The following DISC1 variants were observed in gnomAD, a reference collection of about 807,000 sequenced individuals.
The protein encoded by DISC1 is disrupted in schizophrenia 1 protein.
A neutral mutation model predicts 84.5 loss-of-function variants in DISC1; 57 were observed. The ratio of observed to expected loss-of-function variants is 0.67; its 90% CI spans 0.55 to 0.84. DISC1 has a LOEUF of 0.84. DISC1 is among the 40% of genes least tolerant of loss of function. The pLI is 0.00. For missense variants in DISC1, 1,000 were observed against 1,057.8 expected (o/e 0.95, Z 0.76); for synonymous variants, 411 against 415.2 (o/e 0.99, Z 0.12).
At chr1:231,961,382 C>T (rs1345356049) in intron 10 of DISC1, among the ~76,000 whole-genome samples, 1 of 152,122 alleles carries the variant, frequency 6.6e-6, no homozygotes, top group African/African-American at 2.4e-5. Context: ...CTTTCTTTTT[C>T]ATAAGTTCAA....
At chr1:231,903,682 G>T (rs2088383134) in intron 9 of DISC1, among the ~76,000 whole-genome samples, 1 of 152,200 alleles carries the variant, frequency 6.6e-6, no homozygotes, top group Non-Finnish European at 1.5e-5. Flanking sequence ...GAGCCTCAAG[G>T]CCTTTAGGCC....
At chr1:231,755,807 C>T (rs2075055517) in intron 4 of DISC1, among the ~76,000 whole-genome samples, 1 of 152,216 alleles carries the variant, frequency 6.6e-6, no homozygotes, top group South Asian at 2.1e-4. Context: ...CACTGTCTGT[C>T]TCTCTCATTT....
At chr1:231,699,390 G>C (rs1224863012) in intron 2 of DISC1, among the ~76,000 whole-genome samples, 1 of 151,980 alleles carries the variant, frequency 6.6e-6, no homozygotes, top group East Asian at 1.9e-4. Context: ...GCTATAACCT[G>C]GTGCAATAAG....
intron 9 of DISC1, among the ~76,000 whole-genome samples, chr1:231,824,137 C>A (rs574320059): frequency 8.4e-4 from 127 of 152,040 alleles, no homozygotes; most frequent in Non-Finnish European, 1.6e-3. Flanking sequence ...TTGGCTACGA[C>A]CTATGTATAA....
intron 9 of DISC1, among the ~76,000 whole-genome samples, chr1:231,821,901 A>G (rs2081529093): frequency 6.6e-6 from 1 of 151,954 alleles, no homozygotes; most frequent in Non-Finnish European, 1.5e-5. Flanking sequence ...GGGTTTCACC[A>G]TGTTGGCCAG....
intron 3 of DISC1, among the ~76,000 whole-genome samples, chr1:231,724,497 G>C (rs201987570): frequency 1.6e-4 from 24 of 152,306 alleles, no homozygotes; most frequent in Non-Finnish European, 2.6e-4. Context: ...CCAGGAGAGG[G>C]AACCAGCGTA....
Position 232,031,011 on chromosome 1 carries a change from G to A in DISC1, c.2425+4459G>A, listed in dbSNP as rs1011102728. The stretch of plus-strand genomic sequence containing the variant: ...ACCTGTAGTCCCAGCTACTCCAGAG[G>A]CGTGAGAATTGCTTGAACCCAGGAG... On this transcript the variant is annotated intron_variant, in intron 12 of 12. Coordinates refer to ENST00000439617, the MANE Select transcript of DISC1 (RefSeq NM_018662.3). The surrounding 1 kb of genome is among the most constrained non-coding windows in gnomAD (Gnocchi z 4.6). Among the ~76,000 whole-genome samples, 1 of 152,034 alleles carries A rather than the reference G, an allele frequency of 6.6e-6. No homozygotes were observed. Among genetic ancestry groups the A allele is most frequent in the African/African-American group, 2.4e-5 (1 of 41,380 alleles).
intron 3 of DISC1, among the ~76,000 whole-genome samples, chr1:231,742,789 A>T (rs2073468108): frequency 8.2e-6 from 1 of 121,870 alleles, no homozygotes; most frequent in Admixed American, 8.5e-5. Context: ...ACATGCCAGT[A>T]GTCCCAGCTA....
Position 232,009,411 on chromosome 1 carries a change from T to TAG in DISC1, c.2307+362_2307+363insAG. ...TAGATTATATATGCCATACATGATATTTAACATATATACTATACATTATGT... is the reference window on the plus strand; with the variant it reads ...TAGATTATATATGCCATACATGATATAGTTAACATATATACTATACATTATGT... On this transcript the variant is annotated intron_variant, in intron 11 of 12. Transcript: ENST00000439617. The surrounding 1 kb of genome is among the most constrained non-coding windows in gnomAD (Gnocchi z 4.6). 3 of 686,368 alleles carry TAG rather than the reference T, an allele frequency of 4.4e-6. No homozygotes were observed. Among genetic ancestry groups the TAG allele is most frequent in the Non-Finnish European group, 5.5e-6 (3 of 550,018 alleles). The allele number at this position is 686,368 out of a possible 1,614,324, so 42.5% of individuals were successfully genotyped here. A position where few individuals can be genotyped will look rare whatever the true frequency, so the allele number is the denominator to read the frequency against.
chr1:231,641,370 G>A (rs1050001532), intron 1 of DISC1, among the ~76,000 whole-genome samples: 1 of 152,132 alleles, frequency 6.6e-6, no homozygotes, highest in Non-Finnish European at 1.5e-5. Flanking sequence ...GGACCTTCGC[G>A]GTGAGTGTTA....
chr1:232,018,359 C>T (rs188586436), intron 11 of DISC1, among the ~76,000 whole-genome samples: 13 of 152,266 alleles, frequency 8.5e-5, no homozygotes, highest in African/African-American at 3.1e-4. Flanking sequence ...TTTATGGGAA[C>T]TATAACTGAG....
rs147107060 is a variant in DISC1 at position 231,744,080 on chromosome 1, C to G, written c.1118-5846C>G. 8.8e-3 allele frequency among the ~76,000 whole-genome samples: 1,334 copies of G among 152,278 alleles called. 5 individuals carry two copies. The highest frequency in any genetic ancestry group is 0.017 in the Middle Eastern group (5 of 294). ...GTTTTAATTTAGACTTGAGTCTTATCGAAATGGCCTCCTTAGAAAATGGCT... is the reference window on the plus strand; with the variant it reads ...GTTTTAATTTAGACTTGAGTCTTATGGAAATGGCCTCCTTAGAAAATGGCT... On this transcript the variant is annotated intron_variant, in intron 3 of 12. Coordinates refer to ENST00000439617, the MANE Select transcript of DISC1 (RefSeq NM_018662.3).
chr1:231,840,926 T>A (rs567118564), intron 9 of DISC1, among the ~76,000 whole-genome samples: 9 of 152,278 alleles, frequency 5.9e-5, no homozygotes, highest in South Asian at 4.2e-4. Context: ...TAAAAAATTT[T>A]AAAAACTTGA....
At chr1:231,768,056 G>A (rs546690069) in intron 5 of DISC1, among the ~76,000 whole-genome samples, 2 of 152,276 alleles carry the variant, frequency 1.3e-5, no homozygotes, top group East Asian at 3.9e-4. Flanking sequence ...GAGGATGCAA[G>A]TTGGCTAAGA....
intron 10 of DISC1, among the ~76,000 whole-genome samples, chr1:232,001,919 A>G (rs1666740904): frequency 6.6e-6 from 1 of 152,230 alleles, no homozygotes; most frequent in Non-Finnish European, 1.5e-5. Context: ...TTTGCTCTGT[A>G]AAGATTCATG....
intron 9 of DISC1, among the ~76,000 whole-genome samples, chr1:231,900,158 A>C (rs1253766067): frequency 6.6e-6 from 1 of 152,180 alleles, no homozygotes; most frequent in African/African-American, 2.4e-5. Context: ...CAGGGACTAT[A>C]GTTTAATCTT....
chr1:231,786,854 C>G (rs1208064471), intron 6 of DISC1, among the ~76,000 whole-genome samples: 5 of 152,156 alleles, frequency 3.3e-5, no homozygotes, highest in Admixed American at 3.3e-4. Context: ...GGGAGCAGTG[C>G]TCTGAGAAGA....
chr1:231,793,899 T>G (rs1245672441), intron 6 of DISC1, among the ~76,000 whole-genome samples: 1 of 152,190 alleles, frequency 6.6e-6, no homozygotes, highest in Non-Finnish European at 1.5e-5. Context: ...TAGTAGAATT[T>G]ACCCCATATT....
chr1:231,999,784 TCTC>T (rs1666421427), intron 10 of DISC1, among the ~76,000 whole-genome samples: 1 of 151,456 alleles, frequency 6.6e-6, no homozygotes, highest in South Asian at 2.1e-4. Context: ...CAGTGGAAGT[TCTC>T]CTAGAGCCAG....
Sources: allele counts gnomAD v4.1 joint callset (sites outside exome capture counted in the v4.1 genomes callset), GRCh38; gene constraint gnomAD v4.1.1; non-coding constraint Gnocchi (gnomAD v3.1); transcripts MANE v1.5; gene names NCBI Gene and HGNC (gene_info 2026-07-23, HGNC 2026-07-21).